PBX3: variants seen among roughly 807,000 people sequenced by gnomAD.
PBX3 encodes pre-B-cell leukemia transcription factor 3.
A neutral mutation model predicts 48.5 loss-of-function variants in PBX3; 14 were observed. That is an observed-to-expected ratio of 0.29 (90% confidence interval 0.19 to 0.45). The LOEUF (loss-of-function observed/expected upper bound fraction) is 0.45, where lower values mean the gene tolerates loss of function less well. Ranked by LOEUF, PBX3 falls within the 20% of genes least tolerant of loss-of-function variation. The pLI is 1.00. For synonymous variants in PBX3, 210 were observed against 200.3 expected, an observed-to-expected ratio of 1.05 and a Z score of -0.41; for missense variants, 386 against 546.7, an observed-to-expected ratio of 0.71 and a Z score of 2.93.
intron 5 of PBX3, among the ~76,000 whole-genome samples, chr9:125,956,610 G>C (rs1234685789): frequency 1.3e-5 from 2 of 152,208 alleles, no homozygotes; most frequent in South Asian, 4.1e-4. Flanking sequence ...CTAATCACCA[G>C]AGGCTTGGTC....
At chr9:125,776,508 A>G (rs578100333) in intron 2 of PBX3, among the ~76,000 whole-genome samples, 21 of 152,084 alleles carry the variant, frequency 1.4e-4, no homozygotes, top group Non-Finnish European at 2.8e-4. Context: ...TTCTTGTGGT[A>G]ATTTTATCTG....
intron 2 of PBX3, among the ~76,000 whole-genome samples, chr9:125,800,988 G>A (rs1190106924): frequency 6.6e-6 from 1 of 151,962 alleles, no homozygotes; most frequent in Non-Finnish European, 1.5e-5. Flanking sequence ...CCTGACGTCA[G>A]GTGATCCTCC....
Position 125,793,764 on chromosome 9 carries a change from C to T in PBX3, c.274+45141C>T, listed in dbSNP as rs148474108. 9.0e-3 allele frequency among the ~76,000 whole-genome samples: 1,372 copies of T among 152,224 alleles called. 28 individuals are homozygous for T. The highest frequency in any genetic ancestry group is 0.031 in the African/African-American group (1,287 of 41,516). ...AAGTTTTGACATAGGTAAATACCATCATTGCAGTTGGGATAATGAACATAT... is the reference window on the plus strand; with the variant it reads ...AAGTTTTGACATAGGTAAATACCATTATTGCAGTTGGGATAATGAACATAT... On this transcript the variant is annotated intron_variant, in intron 2 of 8. Coordinates refer to ENST00000373489, the MANE Select transcript of PBX3 (RefSeq NM_006195.6).
intron 2 of PBX3, among the ~76,000 whole-genome samples, chr9:125,901,119 G>A (rs914355700): frequency 6.6e-6 from 1 of 151,632 alleles, no homozygotes; most frequent in Non-Finnish European, 1.5e-5. Context: ...CACCCTTTTT[G>A]TAAGTTACTA....
At chr9:125,823,799 G>T (rs1246508104) in intron 2 of PBX3, among the ~76,000 whole-genome samples, 3 of 152,180 alleles carry the variant, frequency 2.0e-5, no homozygotes, top group Admixed American at 2.0e-4. Context: ...GGCTAGGCTG[G>T]GCGCGGTGGC....
chr9:125,929,635 A>C lies in PBX3; in HGVS notation c.517-20A>C, dbSNP rs746628134. On this transcript the variant is annotated intron_variant, in intron 3 of 8. Coordinates refer to ENST00000373489, the MANE Select transcript of PBX3 (RefSeq NM_006195.6). ...ATAGTAGATAGTTTCCAAAGGAGTGATTTTTTTTTCCCATTACAGGCATGT... is the reference window on the plus strand; with the variant it reads ...ATAGTAGATAGTTTCCAAAGGAGTGCTTTTTTTTTCCCATTACAGGCATGT... The C allele has an allele frequency of 4.5e-6, 7 of 1,551,758 alleles. No individual in the cohort carries two copies. Among genetic ancestry groups the C allele is most frequent in the Non-Finnish European group, 5.3e-6 (6 of 1,136,450 alleles).
intron 2 of PBX3, among the ~76,000 whole-genome samples, chr9:125,824,798 T>C (rs1392438514): frequency 6.6e-6 from 1 of 152,128 alleles, no homozygotes; most frequent in Non-Finnish European, 1.5e-5. Flanking sequence ...TTGCTATCTG[T>C]AGCCGCAGCT....
rs573727066 is a variant in PBX3, at chr9:125,933,394, C to G, written c.708-2078C>G. 4.4e-4 allele frequency among the ~76,000 whole-genome samples: 67 copies of G among 152,318 alleles called. 2 individuals carry two copies. In the South Asian group the frequency reaches 0.013, roughly 29 times the overall value. On this transcript the variant is annotated intron_variant, in intron 4 of 8. Transcript: ENST00000373489. ...CAGCCAGAATGTCCGGTGAGCTATT[C>G]CGTTTGTTCTCTGAGGTGTTTTGAA...
intron 2 of PBX3, among the ~76,000 whole-genome samples, chr9:125,878,619 G>A (rs1337955383): frequency 6.6e-6 from 1 of 152,184 alleles, no homozygotes; most frequent in Non-Finnish European, 1.5e-5. Flanking sequence ...CAAGTTGAAA[G>A]GTAGACTACA....
chr9:125,880,673 T>C (rs891426832), intron 2 of PBX3, among the ~76,000 whole-genome samples: 2 of 152,216 alleles, frequency 1.3e-5, no homozygotes, highest in African/African-American at 4.8e-5. Flanking sequence ...TAAGTCTGTA[T>C]ATTCAAAAAA....
At chr9:125,753,160 C>T (rs1369978380) in intron 2 of PBX3, among the ~76,000 whole-genome samples, 1 of 151,958 alleles carries the variant, frequency 6.6e-6, no homozygotes, top group Non-Finnish European at 1.5e-5. Context: ...CAATTTTAAG[C>T]ATTAGGTCTG....
chr9:125,954,589 G>T (rs1481446756), intron 5 of PBX3, among the ~76,000 whole-genome samples: 1 of 152,164 alleles, frequency 6.6e-6, no homozygotes, highest in African/African-American at 2.4e-5. Flanking sequence ...AGGCTGGAGT[G>T]CAGTGGCGCA....
At chr9:125,777,419 G>C (rs1369929265) in intron 2 of PBX3, among the ~76,000 whole-genome samples, 2 of 151,338 alleles carry the variant, frequency 1.3e-5, no homozygotes, top group African/African-American at 4.9e-5. Flanking sequence ...GCAGTGGCGT[G>C]ATCTGGGCTC....
At chr9:125,772,699 T>A (rs1338723877) in intron 2 of PBX3, among the ~76,000 whole-genome samples, 1 of 152,250 alleles carries the variant, frequency 6.6e-6, no homozygotes, top group Non-Finnish European at 1.5e-5. Flanking sequence ...CCTAATGTGA[T>A]ACGTGGTATG....
chr9:125,855,570 T>C (rs1461697867), intron 2 of PBX3, among the ~76,000 whole-genome samples: 1 of 152,176 alleles, frequency 6.6e-6, no homozygotes, highest in East Asian at 1.9e-4. Context: ...CATCAAATTT[T>C]AGATGTCATG....
At chr9:125,913,690 G>A (rs537449849) in intron 2 of PBX3, among the ~76,000 whole-genome samples, 7 of 152,102 alleles carry the variant, frequency 4.6e-5, no homozygotes, top group Admixed American at 6.6e-5. Context: ...TTCACCACAT[G>A]TCCATAGGGA....
At chr9:125,893,873 G>A (rs1840707820) in intron 2 of PBX3, among the ~76,000 whole-genome samples, 1 of 151,950 alleles carries the variant, frequency 6.6e-6, no homozygotes, top group South Asian at 2.1e-4. Flanking sequence ...CAATAATAAA[G>A]AGAAAGGGCC....
chr9:125,793,360 A>G (rs1262930764), intron 2 of PBX3, among the ~76,000 whole-genome samples: 15 of 73,844 alleles, frequency 2.0e-4, no homozygotes, highest in African/African-American at 6.1e-4. Flanking sequence ...TGGGGGGGAA[A>G]AAAAAAATAT....
At chr9:125,931,963 A>G (rs144717696) in intron 4 of PBX3, among the ~76,000 whole-genome samples, 1 of 152,324 alleles carries the variant, frequency 6.6e-6, no homozygotes, top group Non-Finnish European at 1.5e-5. Flanking sequence ...TGGAATTATT[A>G]GATCTGAGTT....
Sources: gnomAD v4.1 joint callset for allele counts (sites outside exome capture counted in the v4.1 genomes callset) on GRCh38, gnomAD v4.1.1 for gene constraint, MANE v1.5 for transcripts, NCBI Gene and HGNC (gene_info 2026-07-23, HGNC 2026-07-21) for gene names.